The following CAMTA1 variants were observed in gnomAD, a reference collection of about 807,000 sequenced individuals.
CAMTA1 encodes calmodulin-binding transcription activator 1.
In CAMTA1, 27 loss-of-function variants were observed where a neutral mutation model predicts 170.9. That is an observed-to-expected ratio of 0.16 (90% CI 0.12 to 0.22). CAMTA1 has a LOEUF of 0.22. Ranked by LOEUF, CAMTA1 falls within the 10% of genes least tolerant of loss-of-function variation. The pLI, the probability that CAMTA1 is intolerant of heterozygous loss-of-function variation, is 1.00. For missense variants in CAMTA1, 1,619 were observed against 2,217.2 expected (o/e 0.73, Z 5.42); for synonymous variants, 833 against 891.5 (o/e 0.93, Z 1.17).
chr1:7,680,470 C>T lies in CAMTA1; in HGVS notation c.2914+2737C>T, dbSNP rs534163307. 6.6e-6 allele frequency among the ~76,000 whole-genome samples: 1 copy of T among 151,896 alleles called. No homozygotes were observed. Among genetic ancestry groups the T allele is most frequent in the East Asian group, 2.0e-4 (1 of 5,094 alleles). On this transcript the variant is annotated intron_variant, in intron 11 of 22. Coordinates refer to ENST00000303635, the MANE Select transcript of CAMTA1 (RefSeq NM_015215.4). The surrounding 1 kb of genome is among the most constrained non-coding windows in gnomAD (Gnocchi z 4.4). ...CACACACTCTCTCCCACGCGCGCGCCCTCCCGCCGACGCGCAGCCGCAATG... is the reference window on the plus strand; with the variant it reads ...CACACACTCTCTCCCACGCGCGCGCTCTCCCGCCGACGCGCAGCCGCAATG...
intron 5 of CAMTA1, among the ~76,000 whole-genome samples, chr1:7,439,455 C>G (rs1171772198): frequency 1.3e-5 from 2 of 152,216 alleles, no homozygotes; most frequent in African/African-American, 4.8e-5. Flanking sequence ...GCCCCCACTC[C>G]TGCCTCACTG....
intron 6 of CAMTA1, among the ~76,000 whole-genome samples, chr1:7,500,608 G>A (rs557590730): frequency 6.6e-6 from 1 of 152,296 alleles, no homozygotes; most frequent in Admixed American, 6.5e-5. Context: ...GCCCGCTTCT[G>A]TAGCAGCAGC....
intron 3 of CAMTA1, among the ~76,000 whole-genome samples, chr1:6,911,813 T>C (rs971607338): frequency 2.0e-5 from 3 of 152,246 alleles, no homozygotes; most frequent in Non-Finnish European, 4.4e-5. Flanking sequence ...GTTTCCTCGC[T>C]TGCTGTCTGC....
At chr1:7,597,965 A>C (rs2095413473) in intron 6 of CAMTA1, among the ~76,000 whole-genome samples, 1 of 150,112 alleles carries the variant, frequency 6.7e-6, no homozygotes, top group Non-Finnish European at 1.5e-5. Context: ...TTTAAGTTTT[A>C]GGGTACATGT....
intron 6 of CAMTA1, among the ~76,000 whole-genome samples, chr1:7,604,064 A>G (rs1015004594): frequency 3.3e-5 from 5 of 152,200 alleles, no homozygotes; most frequent in Admixed American, 6.5e-5. Context: ...TGTTACTCTG[A>G]TGGGCTTCCC....
chr1:7,496,388 C>T (rs974586368), intron 6 of CAMTA1, among the ~76,000 whole-genome samples: 4 of 152,120 alleles, frequency 2.6e-5, no homozygotes, highest in Admixed American at 2.0e-4. Flanking sequence ...GGACATGAAG[C>T]CCCAAAGAGC....
intron 11 of CAMTA1, among the ~76,000 whole-genome samples, chr1:7,712,716 T>A (rs1209313700): frequency 1.3e-5 from 2 of 152,208 alleles, no homozygotes; most frequent in Admixed American, 1.3e-4. Context: ...ATAGTCCATT[T>A]TCATGCTGCT....
intron 4 of CAMTA1, among the ~76,000 whole-genome samples, chr1:7,110,881 T>A (rs564459785): frequency 3.3e-5 from 5 of 152,324 alleles, no homozygotes; most frequent in Admixed American, 3.3e-4. Flanking sequence ...AACAAACCAC[T>A]GAGAACTTAA....
intron 5 of CAMTA1, among the ~76,000 whole-genome samples, chr1:7,384,504 G>A (rs564318907): frequency 7.2e-4 from 110 of 152,328 alleles, no homozygotes; most frequent in African/African-American, 2.6e-3. Flanking sequence ...TTGTGAATCC[G>A]TGGCTAATTT....
intron 3 of CAMTA1, among the ~76,000 whole-genome samples, chr1:6,882,663 C>T (rs565399138): frequency 2.6e-5 from 4 of 152,022 alleles, no homozygotes; most frequent in Non-Finnish European, 4.4e-5. Flanking sequence ...AATAGGCAGT[C>T]GTATGTTTGA....
At chr1:7,408,096 G>A (rs1262885519) in intron 5 of CAMTA1, among the ~76,000 whole-genome samples, 5 of 152,166 alleles carry the variant, frequency 3.3e-5, no homozygotes, top group South Asian at 2.1e-4. Flanking sequence ...CGCCTGCTCC[G>A]TCCAGGAGGC....
intron 7 of CAMTA1, among the ~76,000 whole-genome samples, chr1:7,658,033 G>A (rs17376559): frequency 0.16 from 25,001 of 152,196 alleles, 2,574 homozygotes; most frequent in Middle Eastern, 0.33. Flanking sequence ...AATGCCAGGA[G>A]ACTCTGCCAG....
At chr1:6,813,893 A>T (rs567609662) in intron 1 of CAMTA1, among the ~76,000 whole-genome samples, 1 of 152,258 alleles carries the variant, frequency 6.6e-6, no homozygotes, top group African/African-American at 2.4e-5. Context: ...GTGCTTGAAA[A>T]CGACAGAAGG....
At chr1:7,088,144 A>G (rs1434230248) in intron 3 of CAMTA1, among the ~76,000 whole-genome samples, 10 of 152,212 alleles carry the variant, frequency 6.6e-5, no homozygotes, top group Non-Finnish European at 8.8e-5. Flanking sequence ...GGCCCAGCCA[A>G]CCTGAGCACA....
chr1:7,259,525 T>C (rs908205871), intron 5 of CAMTA1, among the ~76,000 whole-genome samples: 1 of 152,214 alleles, frequency 6.6e-6, no homozygotes, highest in African/African-American at 2.4e-5. Context: ...TTGGAAAGGA[T>C]TGGGACACGC....
intron 4 of CAMTA1, among the ~76,000 whole-genome samples, chr1:7,211,320 C>T (rs765991562): frequency 2.3e-4 from 35 of 152,310 alleles, no homozygotes; most frequent in Non-Finnish European, 4.4e-4. Context: ...GTGCATGCAC[C>T]TGTGTGACTC....
chr1:7,496,941 CCCTT>C (rs1332587643), intron 6 of CAMTA1, among the ~76,000 whole-genome samples: 5 of 152,072 alleles, frequency 3.3e-5, no homozygotes, highest in African/African-American at 1.2e-4. Context: ...GAGACACTCT[CCCTT>C]CCTAGGCCAT....
chr1:7,519,953 C>T (rs1309035385), intron 6 of CAMTA1, among the ~76,000 whole-genome samples: 1 of 151,236 alleles, frequency 6.6e-6, no homozygotes, highest in Non-Finnish European at 1.5e-5. Flanking sequence ...TCAGTTGTCC[C>T]GTGCTGGCCC....
intron 1 of CAMTA1, among the ~76,000 whole-genome samples, chr1:6,787,822 C>T (rs1393692919): frequency 6.6e-6 from 1 of 152,188 alleles, no homozygotes; most frequent in African/African-American, 2.4e-5. Context: ...GGGTGGTATT[C>T]GTTGCTTGAT....
Sources: allele counts gnomAD v4.1 joint callset (sites outside exome capture counted in the v4.1 genomes callset), GRCh38; gene constraint gnomAD v4.1.1; non-coding constraint Gnocchi (gnomAD v3.1); transcripts MANE v1.5; gene names NCBI Gene and HGNC (gene_info 2026-07-23, HGNC 2026-07-21).